The following RFFL variants were observed in gnomAD, a reference collection of about 807,000 sequenced individuals.
The protein encoded by RFFL is E3 ubiquitin-protein ligase rififylin.
A neutral mutation model predicts 40.4 loss-of-function variants in RFFL; 16 were observed. The observed-to-expected ratio is 0.40, with a 90% CI of 0.27 to 0.60. The LOEUF is 0.60. Among genes scored for constraint, RFFL ranks in the 20% least tolerant of loss-of-function variants. The probability of loss-of-function intolerance (pLI) is 0.47; values close to 1 mark genes in which losing one functional copy is unlikely to be tolerated. For missense variants in RFFL, 367 were observed against 451.7 expected, an observed-to-expected ratio of 0.81 and a Z score of 1.70; for synonymous variants, 154 against 167.9, an observed-to-expected ratio of 0.92 and a Z score of 0.64.
chr17:35,042,952 G>A (rs1318409215), intron 1 of RFFL, among the ~76,000 whole-genome samples: 1 of 152,126 alleles, frequency 6.6e-6, no homozygotes, highest in Non-Finnish European at 1.5e-5. Flanking sequence ...CTGAAGTGGT[G>A]CATGGGCTGG....
intron 6 of RFFL, among the ~76,000 whole-genome samples, chr17:35,012,353 T>A (rs1480611841): frequency 6.6e-6 from 1 of 152,204 alleles, no homozygotes; most frequent in Non-Finnish European, 1.5e-5. Flanking sequence ...AATCCACACT[T>A]CATCCCCTCC....
chr17:35,053,655 T>C (rs2091243786), intron 1 of RFFL, among the ~76,000 whole-genome samples: 2 of 152,226 alleles, frequency 1.3e-5, no homozygotes, highest in African/African-American at 4.8e-5. Flanking sequence ...GGAGGATCAC[T>C]GGGACAATGA....
At position 35,006,422 on chromosome 17, in the gene RFFL, G is replaced by A. The variant is rs563062611; in HGVS notation, c.*5546C>T. 2.0e-5 allele frequency: 3 copies of A among 152,426 alleles called. No individual in the cohort carries two copies. The highest frequency in any genetic ancestry group is 2.1e-4 in the South Asian group (1 of 4,830). The allele number at this position is 152,426 out of a possible 1,614,324, so 9.4% of individuals were successfully genotyped here. A position where few individuals can be genotyped will look rare whatever the true frequency, so the allele number is the denominator to read the frequency against. ...ATGGCTCTAACCTTAGGCAAGTTACGTTAACATCTAAGCCTCAATCCCTCC... is the reference window on the plus strand; with the variant it reads ...ATGGCTCTAACCTTAGGCAAGTTACATTAACATCTAAGCCTCAATCCCTCC... On this transcript the variant is annotated 3_prime_UTR_variant, in exon 7 of 7. Coordinates refer to ENST00000394597, the MANE Select transcript of RFFL (RefSeq NM_001017368.2).
At chr17:35,070,329 C>T (rs1055413860) in intron 1 of RFFL, among the ~76,000 whole-genome samples, 1 of 152,150 alleles carries the variant, frequency 6.6e-6, no homozygotes, top group Non-Finnish European at 1.5e-5. Context: ...GCCACCATGC[C>T]TGGCTAATTC....
rs1347382860 is a variant in RFFL, at chr17:35,010,612, TGTG to T, written c.*1353_*1355del. On this transcript the variant is annotated 3_prime_UTR_variant, in exon 7 of 7. Transcript: ENST00000394597. ...ACTAAAAATACAAAAATTAGCCTGG[TGTG>T]GTGGTGGGCGCCTATAATCCCAGCT... The T allele has an allele frequency of 6.6e-6, 1 of 151,928 alleles. No homozygotes were observed. Among genetic ancestry groups the T allele is most frequent in the African/African-American group, 2.4e-5 (1 of 41,298 alleles). 9.4% of individuals were successfully genotyped at this position (151,928 alleles called of 1,614,324 possible).
chr17:35,054,157 A>G (rs1347549999), intron 1 of RFFL, among the ~76,000 whole-genome samples: 1 of 152,186 alleles, frequency 6.6e-6, no homozygotes, highest in Non-Finnish European at 1.5e-5. Context: ...CACCCCTGTC[A>G]TACCCTTCAA....
intron 6 of RFFL, among the ~76,000 whole-genome samples, chr17:35,013,791 G>A (rs1267693214): frequency 6.6e-6 from 1 of 152,178 alleles, no homozygotes; most frequent in African/African-American, 2.4e-5. Flanking sequence ...CAGGGAATCA[G>A]AAAAAGAAAG....
intron 1 of RFFL, among the ~76,000 whole-genome samples, chr17:35,033,338 G>C (rs2091097533): frequency 1.3e-5 from 2 of 151,786 alleles, no homozygotes; most frequent in South Asian, 2.1e-4. Flanking sequence ...AGACCAGCCT[G>C]GCCAGCATGG....
rs2090931670 is a variant in RFFL at position 35,010,657 on chromosome 17, C to G, written c.*1311G>C. The G allele has an allele frequency of 6.6e-6, 1 of 150,872 alleles. No homozygotes were observed. The highest frequency in any genetic ancestry group is 2.5e-5 in the African/African-American group (1 of 40,760). The allele number at this position is 150,872 out of a possible 1,614,324, so 9.3% of individuals were successfully genotyped here. A position where few individuals can be genotyped will look rare whatever the true frequency, so the allele number is the denominator to read the frequency against. On this transcript the variant is annotated 3_prime_UTR_variant, in exon 7 of 7. Coordinates refer to ENST00000394597, the MANE Select transcript of RFFL (RefSeq NM_001017368.2). Reference sequence around the variant, plus strand: ...ATCCCAGCTACTCTGGAGGCTAAGGCAGGAGAATAGCTTGAACCTGGGAGG... The same window carrying G: ...ATCCCAGCTACTCTGGAGGCTAAGGGAGGAGAATAGCTTGAACCTGGGAGG...
upstream of RFFL, among the ~76,000 whole-genome samples, chr17:35,068,377 G>A (rs899076070): frequency 6.6e-6 from 1 of 152,194 alleles, no homozygotes; most frequent in South Asian, 2.1e-4. Context: ...AGAGGCTGTC[G>A]CCATGGCAGA....
intron 1 of RFFL, among the ~76,000 whole-genome samples, chr17:35,070,768 AC>A (rs971240938): frequency 3.0e-4 from 46 of 152,332 alleles, no homozygotes; most frequent in African/African-American, 1.0e-3. Flanking sequence ...CCACTGTGAC[AC>A]TGTATGGAGG....
chr17:35,072,398 T>C (rs1458469555), intron 1 of RFFL, among the ~76,000 whole-genome samples: 1 of 152,128 alleles, frequency 6.6e-6, no homozygotes, highest in Non-Finnish European at 1.5e-5. Flanking sequence ...TTCCATAATA[T>C]TTCTGAAATG....
At chr17:35,050,842 C>T (rs2091227886) in intron 1 of RFFL, among the ~76,000 whole-genome samples, 1 of 152,130 alleles carries the variant, frequency 6.6e-6, no homozygotes, top group South Asian at 2.1e-4. Flanking sequence ...TGTGATGGCA[C>T]ATGCCTATAA....
chr17:35,037,663 T>A lies in RFFL; in HGVS notation c.-8-11102A>T, dbSNP rs946275279. 4.6e-5 allele frequency among the ~76,000 whole-genome samples: 7 copies of A among 152,224 alleles called. No homozygotes were observed. In the East Asian group the frequency reaches 1.3e-3, roughly 29 times the overall value. ...GTGAGAAAAAAAGGTTCAGAGAAGT[T>A]AAGTAACTTGTTAAAGGTCACAGCT... On this transcript the variant is annotated intron_variant, in intron 1 of 6. Transcript: ENST00000394597.
At position 35,045,093 on chromosome 17, in the gene RFFL, A is replaced by G. The variant is rs1204276069; in HGVS notation, c.-9+18483T>C. ...TAATTGATTTATCAGACTATTTAGC[A>G]TGAATCTCCTGTACCTCTGGAGAAC... On this transcript the variant is annotated intron_variant, in intron 1 of 6. Coordinates refer to ENST00000394597, the MANE Select transcript of RFFL (RefSeq NM_001017368.2). 3.3e-5 allele frequency among the ~76,000 whole-genome samples: 5 copies of G among 151,760 alleles called. No homozygotes were observed. The East Asian group carries it at 9.7e-4, about 29-fold the overall frequency.
chr17:35,051,451 T>C lies in RFFL; in HGVS notation c.-9+12125A>G, dbSNP rs377258545. Among the ~76,000 whole-genome samples the C allele has an allele frequency of 3.9e-5, 6 of 152,330 alleles. No homozygotes were observed. In the East Asian group the frequency reaches 9.6e-4, roughly 24 times the overall value. On this transcript the variant is annotated intron_variant, in intron 1 of 6. Coordinates refer to ENST00000394597, the MANE Select transcript of RFFL (RefSeq NM_001017368.2). ...CCTTCAACAAGTAGGTAACCTTTCA[T>C]ATCTGCTGCCAACTGGTTCACTAGA...
chr17:35,020,487 A>G (rs1371624117), intron 3 of RFFL, among the ~76,000 whole-genome samples: 1 of 150,950 alleles, frequency 6.6e-6, no homozygotes, highest in Non-Finnish European at 1.5e-5. Context: ...ATGCCTGATG[A>G]TCTGGGTAGA....
rs181859224 is a variant in RFFL, at chr17:35,079,151, T to C, written c.-9+9954A>G. 1.7e-4 allele frequency among the ~76,000 whole-genome samples: 26 copies of C among 152,290 alleles called. 1 individual carries two copies. Among genetic ancestry groups the C allele is most frequent in the East Asian group, 7.7e-4 (4 of 5,180 alleles). ...CTAGAGGCTTATTTTTATGTTTGTG[T>C]TCCTGGGATTACAGGCACGCACCAC... On this transcript the variant is annotated intron_variant, in intron 1 of 6. Coordinates refer to the RFFL transcript ENST00000315249.
intron 2 of RFFL, among the ~76,000 whole-genome samples, chr17:35,023,727 G>T (rs913047202): frequency 1.6e-4 from 24 of 152,218 alleles, no homozygotes; most frequent in Non-Finnish European, 2.6e-4. Context: ...TATAAAGCCT[G>T]CGTTGCTCAA....
Sources: gnomAD v4.1 joint callset for allele counts (sites outside exome capture counted in the v4.1 genomes callset) on GRCh38, gnomAD v4.1.1 for gene constraint, MANE v1.5 for transcripts, NCBI Gene and HGNC (gene_info 2026-07-23, HGNC 2026-07-21) for gene names.